EVC2: variants seen among roughly 807,000 people sequenced by gnomAD.
EVC2 encodes the protein limbin.
A neutral mutation model predicts 149.3 loss-of-function variants in EVC2; 148 were observed. The observed-to-expected ratio is 0.99, with a 90% CI of 0.87 to 1.14. The LOEUF is 1.14. Ranked by LOEUF, EVC2 falls within the 50% of genes most tolerant of loss-of-function variation. EVC2 has a pLI of 0.00. For missense variants in EVC2, 1,854 were observed against 1,627.3 expected, an observed-to-expected ratio of 1.14 and a Z score of -2.40; for synonymous variants, 776 against 649.9, an observed-to-expected ratio of 1.19 and a Z score of -2.95.
intron 20 of EVC2, among the ~76,000 whole-genome samples, chr4:5,566,304 G>C (rs1001182001): frequency 1.3e-5 from 2 of 152,218 alleles, no homozygotes; most frequent in African/African-American, 4.8e-5. Context: ...ACCTGCCCAG[G>C]TGGTGGTGGA....
intron 7 of EVC2, among the ~76,000 whole-genome samples, chr4:5,669,567 T>C (rs1210525563): frequency 6.6e-6 from 1 of 152,208 alleles, no homozygotes; most frequent in African/African-American, 2.4e-5. Context: ...ATGGGCAGCA[T>C]CACTCTACCG....
At chr4:5,641,952 C>G (rs190378238) in intron 9 of EVC2, among the ~76,000 whole-genome samples, 2 of 152,260 alleles carry the variant, frequency 1.3e-5, no homozygotes, top group East Asian at 1.9e-4. Flanking sequence ...CTCTTACCCC[C>G]TGACAGGCCC....
chr4:5,574,991 C>T (rs574774000), intron 18 of EVC2, among the ~76,000 whole-genome samples: 79 of 152,252 alleles, frequency 5.2e-4, no homozygotes, highest in African/African-American at 1.7e-3. Context: ...GGAGGCTCCT[C>T]GAAGTGAAAA....
chr4:5,549,740 C>T (rs1560117012), intron 21 of EVC2, among the ~76,000 whole-genome samples: 1 of 152,112 alleles, frequency 6.6e-6, no homozygotes, highest in South Asian at 2.1e-4. Flanking sequence ...AAGTAAATAA[C>T]TGAATGAATT....
rs1338228898 is a variant in EVC2, at chr4:5,657,199, T to A, written c.1145+5908A>T. Among the ~76,000 whole-genome samples the A allele has an allele frequency of 6.6e-6, 1 of 152,164 alleles. No individual in the cohort carries two copies. The highest frequency in any genetic ancestry group is 2.4e-5 in the African/African-American group (1 of 41,452). ...AGTCTGGGTTTCTCTAGTAAGCCACTTCCCCGTGGTCAGGACTGCTTCACA... is the reference window on the plus strand; with the variant it reads ...AGTCTGGGTTTCTCTAGTAAGCCACATCCCCGTGGTCAGGACTGCTTCACA... On this transcript the variant is annotated intron_variant, in intron 9 of 21. Coordinates refer to ENST00000344408, the MANE Select transcript of EVC2 (RefSeq NM_147127.5). The surrounding 1 kb of genome is among the most constrained non-coding windows in gnomAD (Gnocchi z 4.7).
intron 7 of EVC2, among the ~76,000 whole-genome samples, chr4:5,672,182 A>T (rs1248385557): frequency 1.3e-5 from 2 of 152,122 alleles, no homozygotes; most frequent in African/African-American, 4.8e-5. Context: ...GGACAGGATA[A>T]GGCTTTCCAA....
chr4:5,602,763 TGAGTGAAGA>T (rs1458093470), intron 16 of EVC2, among the ~76,000 whole-genome samples: 3 of 152,166 alleles, frequency 2.0e-5, no homozygotes, highest in Admixed American at 1.3e-4. Flanking sequence ...TGGTACAGGT[TGAGTGAAGA>T]GAGTAAAATA....
downstream of EVC2, among the ~76,000 whole-genome samples, chr4:5,539,992 T>G (rs1336790221): frequency 6.6e-6 from 1 of 152,212 alleles, no homozygotes. Flanking sequence ...GACAAAGACA[T>G]TGTATCTAGA....
At position 5,618,710 on chromosome 4, in the gene EVC2, T is replaced by A. The variant is rs768342792; in HGVS notation, c.2502-28A>T. The A allele has an allele frequency of 6.4e-7, 1 of 1,562,624 alleles. No homozygotes were observed. The highest frequency in any genetic ancestry group is 1.2e-5 in the South Asian group (1 of 85,120). ...GGGAGGAAGAACAGAGACACACTCT[T>A]AACACAGAGAAAGCCTGGGGGCTGG... On this transcript the variant is annotated intron_variant, in intron 14 of 21. Transcript: ENST00000344408. The surrounding 1 kb of genome is among the most constrained non-coding windows in gnomAD (Gnocchi z 4.4).
chr4:5,674,699 A>G (rs1276051612), intron 7 of EVC2, among the ~76,000 whole-genome samples: 1 of 152,158 alleles, frequency 6.6e-6, no homozygotes, highest in Non-Finnish European at 1.5e-5. Context: ...TGGAAAACAA[A>G]GGCGCCCAGT....
chr4:5,632,617 T>C (rs1716630146), intron 10 of EVC2, among the ~76,000 whole-genome samples: 4 of 152,148 alleles, frequency 2.6e-5, no homozygotes, highest in Admixed American at 2.6e-4. Flanking sequence ...TCAACTTCAC[T>C]GAAGAGAAAA....
chr4:5,604,015 T>C (rs2108813977), intron 16 of EVC2, among the ~76,000 whole-genome samples: 1 of 152,178 alleles, frequency 6.6e-6, no homozygotes, highest in East Asian at 1.9e-4. Context: ...TGTTCTACCA[T>C]GTACCAGCTT....
At chr4:5,704,791 G>A (rs1052807005) in intron 1 of EVC2, among the ~76,000 whole-genome samples, 15 of 151,938 alleles carry the variant, frequency 9.9e-5, no homozygotes, top group East Asian at 1.9e-4. Flanking sequence ...CTGCATCCTC[G>A]AACTCCTGGT....
chr4:5,541,322 C>T (rs187650695), downstream of EVC2, among the ~76,000 whole-genome samples: 7 of 152,262 alleles, frequency 4.6e-5, no homozygotes, highest in Middle Eastern at 3.4e-3. Flanking sequence ...CAGCGCCAGG[C>T]TGCAGACAAT....
chr4:5,647,948 A>C (rs888635123), intron 9 of EVC2, among the ~76,000 whole-genome samples: 2 of 152,222 alleles, frequency 1.3e-5, no homozygotes, highest in Non-Finnish European at 2.9e-5. Context: ...AGGGGTCCCA[A>C]GTCAGTGAAT....
intron 10 of EVC2, among the ~76,000 whole-genome samples, 157 bp from the exon 11 acceptor site, chr4:5,632,189 C>T (rs1409280930): frequency 6.6e-6 from 1 of 152,228 alleles, no homozygotes; most frequent in African/African-American, 2.4e-5. Context: ...CACACATGCG[C>T]ATGCAGTGTG....
chr4:5,593,569 T>A (rs1258743401), intron 16 of EVC2, among the ~76,000 whole-genome samples: 2 of 152,172 alleles, frequency 1.3e-5, no homozygotes, highest in Non-Finnish European at 2.9e-5. Flanking sequence ...CATTTGAAGA[T>A]TCCCATTCTA....
intron 2 of EVC2, 40 bp downstream of exon 2, chr4:5,697,553 T>A (rs1182432611): frequency 6.2e-7 from 1 of 1,609,728 alleles, no homozygotes; most frequent in Non-Finnish European, 8.5e-7. Context: ...TGGTTTTTCA[T>A]GCTCAAAACA....
At chr4:5,697,941 C>CG (rs1553853152) in intron 1 of EVC2, among the ~76,000 whole-genome samples, 1 of 151,808 alleles carries the variant, frequency 6.6e-6, no homozygotes, top group Non-Finnish European at 1.5e-5. Context: ...TTAGTAGAGA[C>CG]GGGGTTTCAC....
Sources: gnomAD v4.1 joint callset for allele counts (sites outside exome capture counted in the v4.1 genomes callset) on GRCh38, gnomAD v4.1.1 for gene constraint, Gnocchi (gnomAD v3.1) non-coding constraint, MANE v1.5 for transcripts, NCBI Gene and HGNC (gene_info 2026-07-23, HGNC 2026-07-21) for gene names.